The following STAP1 variants were observed in gnomAD, a reference collection of about 807,000 sequenced individuals.
STAP1 encodes the protein signal transducing adaptor family member 1.
In STAP1, 30 loss-of-function variants were observed where a neutral mutation model predicts 37.8. That is an observed-to-expected ratio of 0.79 (90% CI 0.59 to 1.08). STAP1 has a LOEUF of 1.08. Ranked by LOEUF, STAP1 falls within the 50% of genes least tolerant of loss-of-function variation. The probability of loss-of-function intolerance (pLI) is 0.00; values close to 1 mark genes in which losing one functional copy is unlikely to be tolerated. For missense variants in STAP1, 357 were observed against 349.4 expected (o/e 1.02, Z -0.17); for synonymous variants, 130 against 116.0 (o/e 1.12, Z -0.78).
intron 8 of STAP1, among the ~76,000 whole-genome samples, chr4:67,594,893 T>C (rs1185252851): frequency 1.3e-5 from 2 of 152,220 alleles, no homozygotes; most frequent in Non-Finnish European, 2.9e-5. Flanking sequence ...TGGGTTGTTT[T>C]TTCTTTCATG....
intron 6 of STAP1, among the ~76,000 whole-genome samples, chr4:67,586,421 C>T (rs913845559): frequency 5.3e-5 from 8 of 152,280 alleles, no homozygotes; most frequent in African/African-American, 1.9e-4. Context: ...TGCACCACTG[C>T]ACTCCAGCAT....
At chr4:67,596,826 G>C (rs1317793025) in intron 8 of STAP1, among the ~76,000 whole-genome samples, 3 of 152,206 alleles carry the variant, frequency 2.0e-5, no homozygotes, top group African/African-American at 7.2e-5. Context: ...ACAGTCATAT[G>C]CATTCACAAA....
chr4:67,592,741 G>A (rs1728146558), intron 7 of STAP1, among the ~76,000 whole-genome samples: 3 of 152,272 alleles, frequency 2.0e-5, no homozygotes, highest in Non-Finnish European at 4.4e-5. Flanking sequence ...CTGGGGTGCA[G>A]TGGCACTATC....
At chr4:67,569,246 G>GA (rs954392735) in intron 1 of STAP1, among the ~76,000 whole-genome samples, 6 of 152,004 alleles carry the variant, frequency 3.9e-5, no homozygotes, top group South Asian at 2.1e-4. Flanking sequence ...TGGTATAAAA[G>GA]AAAAAATGGT....
At chr4:67,578,691 C>T (rs1220330840) in intron 4 of STAP1, among the ~76,000 whole-genome samples, 3 of 152,054 alleles carry the variant, frequency 2.0e-5, no homozygotes, top group Admixed American at 6.6e-5. Context: ...TGCATCCCCC[C>T]GGTACACTAA....
At position 67,558,943 on chromosome 4, in the gene STAP1, T is replaced by C. The variant is rs1458254705; in HGVS notation, c.120+14T>C. ...TCAGGATACCGGGTGAGTCTATAGA[T>C]GATAATGTTAAACCTAAGACTTCTG... On this transcript the variant is annotated intron_variant, in intron 1 of 8. Transcript: ENST00000265404. 1 of 1,585,970 alleles carries C rather than the reference T, an allele frequency of 6.3e-7. No homozygotes were observed. The highest frequency in any genetic ancestry group is 1.4e-5 in the African/African-American group (1 of 73,800).
At chr4:67,565,524 A>G (rs1376599315) in intron 1 of STAP1, among the ~76,000 whole-genome samples, 1 of 152,208 alleles carries the variant, frequency 6.6e-6, no homozygotes, top group Admixed American at 6.5e-5. Flanking sequence ...TAAAAAATGC[A>G]AAGTTCTTGC....
chr4:67,584,111 A>AT, intron 6 of STAP1, among the ~76,000 whole-genome samples: 1 of 147,750 alleles, frequency 6.8e-6, no homozygotes, highest in Non-Finnish European at 1.5e-5. Context: ...AAAAAAAAAA[A>AT]AAAAAGAACA....
intron 4 of STAP1, 27 bp from the exon 5 acceptor site, chr4:67,581,278 C>T (rs755600892): frequency 5.0e-6 from 8 of 1,600,566 alleles, no homozygotes; most frequent in Non-Finnish European, 6.8e-6. Context: ...TGTTTTCTTG[C>T]CTGCCTACTC....
chr4:67,583,545 A>C (rs920492413), intron 5 of STAP1, 29 bp from the exon 6 acceptor site: 1 of 1,567,752 alleles, frequency 6.4e-7, no homozygotes, highest in Non-Finnish European at 8.6e-7. Flanking sequence ...TTAAAAAAAC[A>C]ATTCTGTTTT....
intron 8 of STAP1, among the ~76,000 whole-genome samples, chr4:67,601,613 C>T (rs1728343588): frequency 6.6e-6 from 1 of 152,168 alleles, no homozygotes; most frequent in African/African-American, 2.4e-5. Context: ...AGGATATTTT[C>T]ACTGGATATA....
intron 5 of STAP1, among the ~76,000 whole-genome samples, chr4:67,581,874 A>C (rs749307109): frequency 1.3e-5 from 2 of 152,266 alleles, no homozygotes; most frequent in African/African-American, 2.4e-5. Flanking sequence ...CTGACCAATT[A>C]GTCAGTAGTC....
chr4:67,573,301 T>C (rs1204331676), intron 2 of STAP1, among the ~76,000 whole-genome samples: 1 of 152,170 alleles, frequency 6.6e-6, no homozygotes, highest in African/African-American at 2.4e-5. Context: ...TTAGAGATGT[T>C]TGAACACAGA....
Position 67,606,572 on chromosome 4 carries a change from G to A in STAP1, c.*215G>A. Reference sequence around the variant, plus strand: ...GGAAACTAGAGACTACGGCTGTGGTGGTAACCTGCAGATATACACATTCCC... The same window carrying A: ...GGAAACTAGAGACTACGGCTGTGGTAGTAACCTGCAGATATACACATTCCC... On this transcript the variant is annotated 3_prime_UTR_variant, in exon 9 of 9. Transcript: ENST00000265404. 1 of 466,160 alleles carries A rather than the reference G, an allele frequency of 2.1e-6. No individual in the cohort carries two copies. Among genetic ancestry groups the A allele is most frequent in the South Asian group, 3.7e-5 (1 of 27,068 alleles). The allele number at this position is 466,160 out of a possible 1,614,324, so 28.9% of individuals were successfully genotyped here.
At chr4:67,597,679 G>A (rs141072980) in intron 8 of STAP1, among the ~76,000 whole-genome samples, 71 of 152,342 alleles carry the variant, frequency 4.7e-4, no homozygotes, top group African/African-American at 1.6e-3. Context: ...GAGACATGGA[G>A]TCAAAGAAGA....
intron 3 of STAP1, among the ~76,000 whole-genome samples, chr4:67,575,993 C>T (rs77809916): frequency 4.9e-4 from 74 of 152,244 alleles, no homozygotes; most frequent in African/African-American, 1.7e-3. Context: ...GCAAGCTCCC[C>T]GGATGATTTG....
chr4:67,582,680 C>T (rs1727891124), intron 5 of STAP1, among the ~76,000 whole-genome samples: 1 of 151,544 alleles, frequency 6.6e-6, no homozygotes, highest in Admixed American at 6.6e-5. Flanking sequence ...CTACGATTTA[C>T]AGGTGGTCTG....
At chr4:67,563,876 ATAAATTCAGAAGTCT>A (rs1727406631) in intron 1 of STAP1, among the ~76,000 whole-genome samples, 1 of 151,948 alleles carries the variant, frequency 6.6e-6, no homozygotes, top group South Asian at 2.1e-4. Flanking sequence ...TAAGCTAGTG[ATAAATTCAGAAGTCT>A]TATTTCAGCC....
At position 67,558,756 on chromosome 4, in the gene STAP1, A is replaced by G; in HGVS notation, c.-54A>G. On this transcript the variant is annotated 5_prime_UTR_variant, in exon 1 of 9. Transcript: ENST00000265404. ...AGTTGCCTTTTCCTCTCACAGAAGGAAGATTTCATTTTGTTTGAGACGAGA... is the reference window on the plus strand; with the variant it reads ...AGTTGCCTTTTCCTCTCACAGAAGGGAGATTTCATTTTGTTTGAGACGAGA... 1 of 1,578,290 alleles carries G rather than the reference A, an allele frequency of 6.3e-7. No homozygotes were observed. Among genetic ancestry groups the G allele is most frequent in the Non-Finnish European group, 8.6e-7 (1 of 1,166,296 alleles).
Sources: allele counts gnomAD v4.1 joint callset (sites outside exome capture counted in the v4.1 genomes callset), GRCh38; gene constraint gnomAD v4.1.1; transcripts MANE v1.5; gene names NCBI Gene and HGNC (gene_info 2026-07-23, HGNC 2026-07-21).